Variants in DLGAP2 observed in about 807,000 individuals in gnomAD.
DLGAP2 encodes DLG associated protein 2.
Under a neutral mutation model 100.3 loss-of-function variants are expected in DLGAP2, and 26 were observed. The ratio of observed to expected loss-of-function variants is 0.26; its 90% CI spans 0.19 to 0.36. The LOEUF is 0.36. DLGAP2 is among the 10% of genes least tolerant of loss of function. The pLI, the probability that DLGAP2 is intolerant of heterozygous loss-of-function variation, is 1.00. For missense variants in DLGAP2, 1,858 were observed against 1,453.2 expected, an observed-to-expected ratio of 1.28 and a Z score of -4.53; for synonymous variants, 886 against 630.1, an observed-to-expected ratio of 1.41 and a Z score of -6.08.
rs1426604495 is a variant in DLGAP2 at position 782,952 on chromosome 8, C to T, written c.18+45127C>T. Among the ~76,000 whole-genome samples, 6 of 152,268 alleles carry T rather than the reference C, an allele frequency of 3.9e-5. No individual in the cohort carries two copies. The East Asian group carries it at 5.8e-4, about 15-fold the overall frequency. On this transcript the variant is annotated intron_variant, in intron 1 of 14. Transcript: ENST00000637795. ...CAGTGCGTGGCTGTGCTGACTGACC[C>T]GGGAAAGCTGGATTAGGATGGACGG...
intron 2 of DLGAP2, among the ~76,000 whole-genome samples, chr8:927,718 T>C (rs1218911434): frequency 6.6e-6 from 1 of 151,978 alleles, no homozygotes; most frequent in African/African-American, 2.4e-5. Flanking sequence ...TCTTGGGATG[T>C]ATGGAGCAGG....
intron 1 of DLGAP2, among the ~76,000 whole-genome samples, chr8:848,437 G>A (rs1450821223): frequency 7.4e-5 from 5 of 67,758 alleles, no homozygotes; most frequent in Non-Finnish European, 1.2e-4. Flanking sequence ...AGGGTCGTGC[G>A]GTGCGTGTTC....
At chr8:998,836 G>A (rs576004519) in intron 2 of DLGAP2, among the ~76,000 whole-genome samples, 2 of 152,240 alleles carry the variant, frequency 1.3e-5, no homozygotes, top group African/African-American at 4.8e-5. Context: ...TTTATACTGT[G>A]TATATTTTGG....
intron 6 of DLGAP2, chr8:1,621,030 A>C (rs1190181134): frequency 6.6e-6 from 1 of 152,222 alleles, no homozygotes; most frequent in African/African-American, 2.4e-5. Context: ...TTGCATTAAG[A>C]AATCTATGTT....
rs11358700 is a variant in DLGAP2, at chr8:1,588,738, TAAA to T, written c.1442+22866_1442+22868del. Among the ~76,000 whole-genome samples the T allele has an allele frequency of 2.7e-3, 244 of 91,460 alleles. 2 individuals are homozygous for T. Among genetic ancestry groups the T allele is most frequent in the South Asian group, 0.012 (27 of 2,212 alleles). The allele number at this position is 91,460 out of a possible 152,430, so 60.0% of individuals were successfully genotyped here. A position where few individuals can be genotyped will look rare whatever the true frequency, so the allele number is the denominator to read the frequency against. The stretch of plus-strand genomic sequence containing the variant: ...CCAACATGGTGAAAGCTGTCTTTAC[TAAA>T]AAAAAAAAAAAAAAAAAAAAAGGAA... On this transcript the variant is annotated intron_variant, in intron 6 of 14. Transcript: ENST00000637795.
intron 3 of DLGAP2, among the ~76,000 whole-genome samples, chr8:1,333,830 A>G (rs545516734): frequency 1.4e-4 from 21 of 152,376 alleles, no homozygotes; most frequent in African/African-American, 5.0e-4. Flanking sequence ...TATCTAGCAG[A>G]GCAGGTGGAA....
In DLGAP2 at chr8:1,487,884, G is replaced by A. The variant is rs548849906; in HGVS notation, c.107-13482G>A. 1.5e-3 allele frequency among the ~76,000 whole-genome samples: 223 copies of A among 152,290 alleles called. 2 individuals carry two copies. The highest frequency in any genetic ancestry group is 5.1e-3 in the African/African-American group (210 of 41,570). On this transcript the variant is annotated intron_variant, in intron 3 of 14. Coordinates refer to ENST00000637795, the MANE Select transcript of DLGAP2 (RefSeq NM_001346810.2). ...TTTACCCGTAACTGGGAGGACAGCGGTCACCACAGTTGCTGGAGCTGCTCT... is the reference window on the plus strand; with the variant it reads ...TTTACCCGTAACTGGGAGGACAGCGATCACCACAGTTGCTGGAGCTGCTCT...
intron 4 of DLGAP2, among the ~76,000 whole-genome samples, chr8:1,535,491 G>A (rs1029136093): frequency 6.6e-6 from 1 of 152,178 alleles, no homozygotes; most frequent in African/African-American, 2.4e-5. Flanking sequence ...TGTTCATGCT[G>A]TCAGATGGGC....
chr8:1,312,582 T>C (rs1800638495), intron 3 of DLGAP2, among the ~76,000 whole-genome samples: 2 of 152,218 alleles, frequency 1.3e-5, no homozygotes, highest in South Asian at 4.1e-4. Context: ...GAGGTTCTAT[T>C]TGGACATGCA....
At chr8:1,522,099 T>A (rs544106860) in intron 4 of DLGAP2, among the ~76,000 whole-genome samples, 6 of 152,242 alleles carry the variant, frequency 3.9e-5, no homozygotes, top group African/African-American at 1.4e-4. Context: ...TGTCTCTGGT[T>A]TGCACACTTG....
chr8:1,359,722 G>A (rs1056151095), intron 3 of DLGAP2, among the ~76,000 whole-genome samples: 10 of 152,232 alleles, frequency 6.6e-5, no homozygotes, highest in African/African-American at 1.2e-4. Context: ...AAACCCGCGC[G>A]TTCCCTGCGC....
intron 2 of DLGAP2, among the ~76,000 whole-genome samples, chr8:1,195,520 T>C (rs556313148): frequency 6.6e-5 from 10 of 152,328 alleles, no homozygotes; most frequent in African/African-American, 2.4e-4. Context: ...CTTGGAAAAA[T>C]GCTTGCTGCC....
intron 6 of DLGAP2, among the ~76,000 whole-genome samples, chr8:1,624,539 C>G (rs1797441005): frequency 6.6e-6 from 1 of 151,720 alleles, no homozygotes; most frequent in Admixed American, 6.6e-5. Flanking sequence ...AAACTTGTGA[C>G]CGTGTCTCAG....
chr8:1,027,376 G>A (rs960678335), intron 2 of DLGAP2, among the ~76,000 whole-genome samples: 7 of 151,284 alleles, frequency 4.6e-5, no homozygotes, highest in Non-Finnish European at 1.0e-4. Context: ...TCTCCAGGTG[G>A]GGTGCTTGGT....
chr8:1,434,484 G>T (rs200208165), intron 3 of DLGAP2, among the ~76,000 whole-genome samples: 1 of 149,504 alleles, frequency 6.7e-6, no homozygotes, highest in Admixed American at 6.6e-5. Flanking sequence ...TGGGTTTTGG[G>T]TTTTTTTTTT....
chr8:761,645 G>C (rs376258060), intron 1 of DLGAP2, among the ~76,000 whole-genome samples: 2 of 152,332 alleles, frequency 1.3e-5, no homozygotes, highest in East Asian at 1.9e-4. Flanking sequence ...TTTGAAAGCA[G>C]AGACATCAGC....
intron 2 of DLGAP2, among the ~76,000 whole-genome samples, chr8:1,043,160 G>A (rs1409523837): frequency 2.2e-4 from 32 of 145,994 alleles, no homozygotes; most frequent in Admixed American, 6.1e-4. Context: ...TGTGGGTGGT[G>A]GACGTGGGTG....
chr8:1,534,636 C>G (rs968518087), intron 4 of DLGAP2, among the ~76,000 whole-genome samples: 2 of 152,072 alleles, frequency 1.3e-5, no homozygotes, highest in Non-Finnish European at 2.9e-5. Flanking sequence ...TATGTGGAAT[C>G]AGTGGGGATT....
chr8:1,336,347 A>C (rs1801272857), intron 3 of DLGAP2, among the ~76,000 whole-genome samples: 1 of 152,202 alleles, frequency 6.6e-6, no homozygotes, highest in Non-Finnish European at 1.5e-5. Flanking sequence ...AGGGGTGGTG[A>C]GAGAAAGGAA....
Sources: gnomAD v4.1 joint callset for allele counts (sites outside exome capture counted in the v4.1 genomes callset) on GRCh38, gnomAD v4.1.1 for gene constraint, MANE v1.5 for transcripts, NCBI Gene and HGNC (gene_info 2026-07-23, HGNC 2026-07-21) for gene names.